Variants in RCSD1 observed in about 807,000 individuals in gnomAD.
RCSD1 encodes the protein capZ-interacting protein.
Under a neutral mutation model 42.5 loss-of-function variants are expected in RCSD1, and 26 were observed. The ratio of observed to expected loss-of-function variants is 0.61; its 90% confidence interval spans 0.45 to 0.85. RCSD1 has a LOEUF of 0.85. Among genes scored for constraint, RCSD1 ranks in the 40% least tolerant of loss-of-function variants. The probability of loss-of-function intolerance (pLI) is 0.00; values close to 1 mark genes in which losing one functional copy is unlikely to be tolerated. For synonymous variants in RCSD1, 220 were observed against 212.2 expected (o/e 1.04, Z -0.32); for missense variants, 571 against 528.3 (o/e 1.08, Z -0.79).
At chr1:167,675,880 G>A (rs964737810) in intron 1 of RCSD1, among the ~76,000 whole-genome samples, 32 of 151,970 alleles carry the variant, frequency 2.1e-4, no homozygotes, top group Non-Finnish European at 2.1e-4. Flanking sequence ...AGCTAGCTGG[G>A]GCTCTATCTG....
chr1:167,694,116 C>T lies in RCSD1; in HGVS notation c.288C>T (p.Asp96=), dbSNP rs1426640167. 6.2e-7 allele frequency: 1 copy of T among 1,614,198 alleles called. No individual in the cohort carries two copies. The highest frequency in any genetic ancestry group is 2.2e-5 in the East Asian group (1 of 44,884). ...IEKLQANLTF[D]PAALLPGASP... ...CTTGACAGGCCAATTTAACCTTTGA[C>T]CCAGCTGCTCTACTGCCTGGGGCCT... The change falls in exon 5 of 7, where the codon GAC becomes GAT. Residue 96 remains aspartate (D), a synonymous_variant. Coordinates refer to ENST00000367854, the MANE Select transcript of RCSD1 (RefSeq NM_052862.4).
At chr1:167,700,935 T>G (rs902844532) in intron 6 of RCSD1, among the ~76,000 whole-genome samples, 3 of 152,098 alleles carry the variant, frequency 2.0e-5, no homozygotes, top group South Asian at 4.1e-4. Context: ...AAAAGTCACT[T>G]TGGTTGAAAA....
chr1:167,699,442 G>A (rs1173854253), intron 6 of RCSD1, among the ~76,000 whole-genome samples: 1 of 152,050 alleles, frequency 6.6e-6, no homozygotes, highest in Non-Finnish European at 1.5e-5. Context: ...TCTGGCTCCT[G>A]GTGGCTGCTG....
At chr1:167,660,857 C>T (rs1329819575) in intron 1 of RCSD1, among the ~76,000 whole-genome samples, 2 of 152,202 alleles carry the variant, frequency 1.3e-5, no homozygotes, top group Non-Finnish European at 2.9e-5. Flanking sequence ...AACTTAATTT[C>T]TCTATAAACT....
chr1:167,645,122 C>A (rs1311408922), intron 1 of RCSD1, among the ~76,000 whole-genome samples: 1 of 152,112 alleles, frequency 6.6e-6, no homozygotes, highest in East Asian at 1.9e-4. Context: ...ATCCAGATGA[C>A]CCACAGCTGG....
chr1:167,702,915 C>G (rs564096386), intron 6 of RCSD1, among the ~76,000 whole-genome samples: 1 of 152,180 alleles, frequency 6.6e-6, no homozygotes, highest in Non-Finnish European at 1.5e-5. Flanking sequence ...CAAAGACATT[C>G]GAAATATTTG....
chr1:167,643,671 C>G (rs1381507381), intron 1 of RCSD1, among the ~76,000 whole-genome samples: 1 of 152,192 alleles, frequency 6.6e-6, no homozygotes, highest in African/African-American at 2.4e-5. Flanking sequence ...TTGACTTTGC[C>G]ATTTACTAGC....
At chr1:167,688,961 C>T (rs1659307570) in intron 3 of RCSD1, among the ~76,000 whole-genome samples, 1 of 152,098 alleles carries the variant, frequency 6.6e-6, no homozygotes, top group African/African-American at 2.4e-5. Context: ...GGGGATTTTA[C>T]GCAAAACACA....
intron 1 of RCSD1, among the ~76,000 whole-genome samples, chr1:167,682,665 A>AAG (rs1041306662): frequency 1.7e-5 from 2 of 115,234 alleles, no homozygotes; most frequent in African/African-American, 3.4e-5. Flanking sequence ...AGGGCCATGG[A>AAG]AGAGTGTGTG....
Position 167,685,505 on chromosome 1 carries a change from G to T in RCSD1, c.193G>T (p.Glu65Ter), listed in dbSNP as rs1299649673. 6.2e-7 allele frequency: 1 copy of T among 1,613,526 alleles called. No individual in the cohort carries two copies. The highest frequency in any genetic ancestry group is 8.5e-7 in the Non-Finnish European group (1 of 1,179,606). ...CAAGGTAGACCTGGGCCAGAATGGT[G>T]AGGAGGTAAGTGCTGCTGTTGGGGC... ...PPKVDLGQNG[E>*]EKSPPNASHP... Residue 65 changes from glutamate (E) to a stop codon, truncating the protein, a stop_gained, in exon 3 of 7, where the codon GAG (glutamate) becomes TAG (stop). Coordinates refer to ENST00000367854, the MANE Select transcript of RCSD1 (RefSeq NM_052862.4). LOFTEE classifies it high-confidence loss of function.
At chr1:167,662,070 G>C (rs1234557) in intron 1 of RCSD1, among the ~76,000 whole-genome samples, 6 of 152,114 alleles carry the variant, frequency 3.9e-5, no homozygotes, top group African/African-American at 1.4e-4. Flanking sequence ...AGCCCTGTCT[G>C]TATCTATTCC....
chr1:167,661,381 T>C (rs746081655), intron 1 of RCSD1, among the ~76,000 whole-genome samples: 24 of 152,242 alleles, frequency 1.6e-4, no homozygotes, highest in Non-Finnish European at 3.1e-4. Flanking sequence ...TGCCAGCCTG[T>C]GCTTGGACGT....
At chr1:167,663,730 G>A (rs1040349749) in intron 1 of RCSD1, 1 of 152,258 alleles carries the variant, frequency 6.6e-6, no homozygotes, top group South Asian at 2.1e-4. Flanking sequence ...GAATTCTTCA[G>A]GGCCAAACTG....
At chr1:167,646,347 A>G (rs1658144279) in intron 1 of RCSD1, among the ~76,000 whole-genome samples, 1 of 151,978 alleles carries the variant, frequency 6.6e-6, no homozygotes, top group Admixed American at 6.5e-5. Context: ...CAGGCCAAAG[A>G]CAGCTCGGGA....
At chr1:167,660,841 C>A (rs1318230140) in intron 1 of RCSD1, among the ~76,000 whole-genome samples, 1 of 152,232 alleles carries the variant, frequency 6.6e-6, no homozygotes, top group Non-Finnish European at 1.5e-5. Flanking sequence ...AACTTCAATA[C>A]AGAGGAACTT....
chr1:167,632,146 G>A (rs1657717172), intron 1 of RCSD1, among the ~76,000 whole-genome samples: 1 of 152,250 alleles, frequency 6.6e-6, no homozygotes, highest in Non-Finnish European at 1.5e-5. Flanking sequence ...CACTGCTTCA[G>A]GGCAGAGGAG....
At chr1:167,695,846 T>G (rs1360082961) in intron 5 of RCSD1, among the ~76,000 whole-genome samples, 1 of 152,168 alleles carries the variant, frequency 6.6e-6, no homozygotes, top group Non-Finnish European at 1.5e-5. Context: ...TTTTAAAGGA[T>G]GCATCACTCT....
Position 167,705,291 on chromosome 1 carries a change from C to G in RCSD1, c.*595C>G, listed in dbSNP as rs1188386978. ...TCCAAATTTGAACTGGCCAACCAGTCTTTAAAACACTGGACTAGAAGAGAT... is the reference window on the plus strand; with the variant it reads ...TCCAAATTTGAACTGGCCAACCAGTGTTTAAAACACTGGACTAGAAGAGAT... On this transcript the variant is annotated 3_prime_UTR_variant, in exon 7 of 7. Coordinates refer to ENST00000367854, the MANE Select transcript of RCSD1 (RefSeq NM_052862.4). The G allele has an allele frequency of 6.6e-6, 1 of 151,952 alleles. No individual in the cohort carries two copies. Among genetic ancestry groups the G allele is most frequent in the Non-Finnish European group, 1.5e-5 (1 of 68,042 alleles). The allele number at this position is 151,952 out of a possible 1,614,324, so 9.4% of individuals were successfully genotyped here.
chr1:167,650,791 C>T (rs904445888), intron 1 of RCSD1, among the ~76,000 whole-genome samples: 17 of 152,190 alleles, frequency 1.1e-4, no homozygotes, highest in African/African-American at 4.1e-4. Flanking sequence ...GCGGAGTGTG[C>T]GTGGTACGAT....
Sources: allele counts gnomAD v4.1 joint callset (sites outside exome capture counted in the v4.1 genomes callset), GRCh38; gene constraint gnomAD v4.1.1; transcripts MANE v1.5; gene names NCBI Gene and HGNC (gene_info 2026-07-23, HGNC 2026-07-21).